CAMSAP1: variants seen among roughly 807,000 people sequenced by gnomAD.
The protein encoded by CAMSAP1 is calmodulin regulated spectrin associated protein 1.
In CAMSAP1, 58 loss-of-function variants were observed where a neutral mutation model predicts 143.5. That is an observed-to-expected ratio of 0.40 (90% CI 0.33 to 0.50). The LOEUF is 0.50. Ranked by LOEUF, CAMSAP1 falls within the 20% of genes least tolerant of loss-of-function variation. The pLI is 0.45. For missense variants in CAMSAP1, 1,969 were observed against 2,115.7 expected, an observed-to-expected ratio of 0.93 and a Z score of 1.36; for synonymous variants, 945 against 859.3, an observed-to-expected ratio of 1.10 and a Z score of -1.74.
intron 5 of CAMSAP1, among the ~76,000 whole-genome samples, chr9:135,853,871 C>T (rs1836862994): frequency 6.6e-6 from 1 of 152,258 alleles, no homozygotes; most frequent in Non-Finnish European, 1.5e-5. Flanking sequence ...AATCAAGTCC[C>T]TATGAGGCCC....
chr9:135,817,968 GC>G lies in CAMSAP1; in HGVS notation c.4271+8del, dbSNP rs778092061. The G allele has an allele frequency of 1.9e-5, 30 of 1,613,060 alleles. No homozygotes were observed. The highest frequency in any genetic ancestry group is 2.3e-5 in the Non-Finnish European group (27 of 1,179,418). On this transcript the variant is annotated splice_region_variant and intron_variant, in intron 14 of 16. Transcript: ENST00000389532. ...AGCCCCGTGCCGGCGGCCGTCTCAG[GC>G]CCCTTACCGCTGAGAGGGTGTGCCC... is the stretch of plus-strand genomic sequence containing the variant.
At chr9:135,856,153 C>T (rs942620571) in intron 5 of CAMSAP1, among the ~76,000 whole-genome samples, 1 of 152,214 alleles carries the variant, frequency 6.6e-6, no homozygotes, top group African/African-American at 2.4e-5. Context: ...CATCTTCACA[C>T]TGCTGATAAA....
intron 5 of CAMSAP1, among the ~76,000 whole-genome samples, chr9:135,854,289 T>C (rs1836875312): frequency 6.6e-6 from 1 of 152,262 alleles, no homozygotes; most frequent in African/African-American, 2.4e-5. Context: ...TTCAAACACA[T>C]ATGGCACACA....
rs372983445 is a variant in CAMSAP1 at position 135,815,885 on chromosome 9, G to C, written c.4387+5C>G. 5.0e-6 allele frequency: 8 copies of C among 1,612,590 alleles called. No homozygotes were observed. In the South Asian group the frequency reaches 8.8e-5, roughly 18 times the overall value. On this transcript the variant is annotated splice_donor_5th_base_variant and intron_variant, in intron 15 of 16. Transcript: ENST00000389532. ...ATGACCTCTAAGGAGGGCGAACGCC[G>C]TCACCTGTGTACTCGGCCACTGAGG...
intron 3 of CAMSAP1, among the ~76,000 whole-genome samples, chr9:135,868,816 C>T (rs1837474715): frequency 6.6e-6 from 1 of 151,860 alleles, no homozygotes; most frequent in Non-Finnish European, 1.5e-5. Context: ...CAGGATTTCA[C>T]CGTGTTAGCC....
rs559653861 is a variant in CAMSAP1 at position 135,809,791 on chromosome 9, G to A, written c.*1518C>T. On this transcript the variant is annotated 3_prime_UTR_variant, in exon 17 of 17. Transcript: ENST00000389532. ...GACAGAGAGCGGCTGTGTCGAACAC[G>A]ATATATACAAAATCGCAAGAGACTG... 2.0e-5 allele frequency: 3 copies of A among 152,516 alleles called. No homozygotes were observed. The highest frequency in any genetic ancestry group is 4.4e-5 in the Non-Finnish European group (3 of 68,040). The allele number at this position is 152,516 out of a possible 1,614,324, so 9.4% of individuals were successfully genotyped here. A position where few individuals can be genotyped will look rare whatever the true frequency, so the allele number is the denominator to read the frequency against.
chr9:135,871,766 C>CAAA (rs552358819), intron 3 of CAMSAP1, among the ~76,000 whole-genome samples: 10 of 137,996 alleles, frequency 7.2e-5, no homozygotes, highest in Non-Finnish European at 1.3e-4. Context: ...CCAGCTCTAT[C>CAAA]AAAAAAAAAA....
intron 11 of CAMSAP1, among the ~76,000 whole-genome samples, chr9:135,819,929 TG>T (rs1408799861): frequency 5.9e-5 from 9 of 152,194 alleles, no homozygotes; most frequent in Admixed American, 5.9e-4. Flanking sequence ...AAATAAAGCT[TG>T]CCTCTTTTGC....
intron 5 of CAMSAP1, among the ~76,000 whole-genome samples, chr9:135,857,513 T>C (rs1837021750): frequency 1.3e-5 from 2 of 152,232 alleles, no homozygotes; most frequent in Admixed American, 1.3e-4. Flanking sequence ...TGTGCCACTA[T>C]CTTGCAGACA....
Position 135,888,936 on chromosome 9 carries a change from G to GC in CAMSAP1, c.161-5859dup, listed in dbSNP as rs1199124574. On this transcript the variant is annotated intron_variant, in intron 1 of 16. Coordinates refer to ENST00000389532, the MANE Select transcript of CAMSAP1 (RefSeq NM_015447.4). ...CAGACAAGCACACACCCCACAGGGC[G>GC]CTGGCCCGGGCATGCCACACCAGGC... Among the ~76,000 whole-genome samples, 8 of 152,352 alleles carry GC rather than the reference G, an allele frequency of 5.3e-5. No homozygotes were observed. In the East Asian group the frequency reaches 1.5e-3, roughly 29 times the overall value.
At chr9:135,830,393 C>T (rs781074534) in intron 7 of CAMSAP1, among the ~76,000 whole-genome samples, 5 of 152,154 alleles carry the variant, frequency 3.3e-5, no homozygotes, top group Non-Finnish European at 5.9e-5. Flanking sequence ...CAAATGGTAA[C>T]CCAAAGAAAG....
chr9:135,856,478 C>T (rs1038161275), intron 5 of CAMSAP1, among the ~76,000 whole-genome samples: 1 of 152,186 alleles, frequency 6.6e-6, no homozygotes, highest in Admixed American at 6.5e-5. Flanking sequence ...GGTAGGGACA[C>T]AGAGCCAAAC....
In CAMSAP1 at chr9:135,822,300, G is replaced by A. The variant is rs371489446; in HGVS notation, c.2361C>T (p.Asp787=). The A allele has an allele frequency of 1.9e-5, 30 of 1,613,868 alleles. No individual in the cohort carries two copies. The highest frequency in any genetic ancestry group is 4.5e-5 in the East Asian group (2 of 44,898). The change falls in exon 11 of 17, where the codon GAC becomes GAT. Residue 787 remains aspartate, a synonymous_variant. Transcript: ENST00000389532. The surrounding 1 kb of genome is among the most constrained non-coding windows in gnomAD (Gnocchi z 6.1). ...GGCAGGGGCTCGAGCGGCCGCTGGC[G>A]TCATCTTTGTCTTCATGTTCCTTCA... ...MKVKEHEDKD[D]ASGRSSPCLS...
chr9:135,893,219 AAGAAGAAAAGG>A (rs1838340965), intron 1 of CAMSAP1, among the ~76,000 whole-genome samples: 1 of 151,850 alleles, frequency 6.6e-6, no homozygotes, highest in East Asian at 1.9e-4. Context: ...AGGACAGTGA[AAGAAGAAAAGG>A]AGAAGAGAAG....
intron 1 of CAMSAP1, among the ~76,000 whole-genome samples, chr9:135,896,358 C>A (rs1239500131): frequency 6.6e-6 from 1 of 152,064 alleles, no homozygotes; most frequent in Non-Finnish European, 1.5e-5. Context: ...TGAAAGTCCA[C>A]GCACCAAACT....
At chr9:135,883,242 TAAC>T (rs1838017028) in intron 1 of CAMSAP1, among the ~76,000 whole-genome samples, 164 bp from the exon 2 acceptor site, 1 of 152,146 alleles carries the variant, frequency 6.6e-6, no homozygotes, top group Non-Finnish European at 1.5e-5. Flanking sequence ...AATGAGCAAC[TAAC>T]AACGTGAAAA....
At chr9:135,825,006 G>T in intron 8 of CAMSAP1, 126 bp from the exon 9 acceptor site, 1 of 736,768 alleles carries the variant, frequency 1.4e-6, no homozygotes, top group Non-Finnish European at 2.2e-6. Flanking sequence ...GACTGTTTGG[G>T]AAAAAAATGA....
rs1835297580 is a variant in CAMSAP1, at chr9:135,818,025, G to A, written c.4223C>T (p.Ala1408Val). The A allele has an allele frequency of 2.5e-6, 4 of 1,613,806 alleles. No homozygotes were observed. Among genetic ancestry groups the A allele is most frequent in the Non-Finnish European group, 3.4e-6 (4 of 1,179,892 alleles). ...SGSSLSLASAATTEPESVHSG... is the reference protein window; with the variant it reads ...SGSSLSLASAVTTEPESVHSG... ...ATGAACGCTCTCGGGTTCTGTCGTC[G>A]CCGCAGAGGCCAAGGACAGGCTGGA... The change falls in exon 14 of 17, where the codon GCG becomes GTG. Residue 1408 changes from alanine to valine, a missense_variant. By Grantham distance (64) the Ala-to-Val change is moderately conservative. Coordinates refer to ENST00000389532, the MANE Select transcript of CAMSAP1 (RefSeq NM_015447.4). This position sits in a 1 kb window ranked among gnomAD's most constrained non-coding sequence, Gnocchi z 7.7.
chr9:135,831,290 T>G (rs188026580), intron 7 of CAMSAP1, among the ~76,000 whole-genome samples: 118 of 152,234 alleles, frequency 7.8e-4, no homozygotes, highest in African/African-American at 2.6e-3. Context: ...TATCTTAAGC[T>G]GAATGAAGCG....
Sources: allele counts gnomAD v4.1 joint callset (sites outside exome capture counted in the v4.1 genomes callset), GRCh38; gene constraint gnomAD v4.1.1; non-coding constraint Gnocchi (gnomAD v3.1); transcripts MANE v1.5; gene names NCBI Gene and HGNC (gene_info 2026-07-23, HGNC 2026-07-21).